Variants in AUTS2 observed in about 807,000 individuals in gnomAD.
The protein encoded by AUTS2 is autism susceptibility gene 2 protein.
Under a neutral mutation model 112.4 loss-of-function variants are expected in AUTS2, and 17 were observed. The observed-to-expected ratio is 0.15, with a 90% CI of 0.10 to 0.23. The LOEUF (loss-of-function observed/expected upper bound fraction) is 0.23. Among genes scored for constraint, AUTS2 ranks in the 10% least tolerant of loss-of-function variants. AUTS2 has a pLI of 1.00. For synonymous variants in AUTS2, 751 were observed against 702.7 expected, an observed-to-expected ratio of 1.07 and a Z score of -1.09; for missense variants, 1,510 against 1,701.6, an observed-to-expected ratio of 0.89 and a Z score of 1.98.
chr7:70,004,135 TAA>T (rs1212883139), intron 2 of AUTS2, among the ~76,000 whole-genome samples: 1 of 126,340 alleles, frequency 7.9e-6, no homozygotes, highest in African/African-American at 2.8e-5. Context: ...TGAATATATA[TAA>T]TATATATGAA....
intron 5 of AUTS2, among the ~76,000 whole-genome samples, chr7:70,598,687 TC>T (rs1563066655): frequency 6.6e-6 from 1 of 152,200 alleles, no homozygotes; most frequent in African/African-American, 2.4e-5. Context: ...CCCCAGATTC[TC>T]TTTCTGACAA....
chr7:70,180,691 C>A (rs1262668185), intron 4 of AUTS2, among the ~76,000 whole-genome samples: 1 of 152,174 alleles, frequency 6.6e-6, no homozygotes, highest in African/African-American at 2.4e-5. Context: ...ACATGAACTG[C>A]AACCTACATT....
At chr7:70,575,844 G>A (rs118056409) in intron 5 of AUTS2, among the ~76,000 whole-genome samples, 4,446 of 152,186 alleles carry the variant, frequency 0.029, 100 homozygotes, top group South Asian at 0.099. Flanking sequence ...ACCACCCAAC[G>A]AGCTTTGCAC....
intron 4 of AUTS2, among the ~76,000 whole-genome samples, chr7:70,148,470 CAT>C (rs764373649): frequency 6.6e-6 from 1 of 151,978 alleles, no homozygotes; most frequent in Non-Finnish European, 1.5e-5. Context: ...TTATTAATCT[CAT>C]CAACTCATCT....
intron 4 of AUTS2, among the ~76,000 whole-genome samples, chr7:70,384,593 A>G (rs1393739318): frequency 6.6e-6 from 1 of 152,184 alleles, no homozygotes; most frequent in Non-Finnish European, 1.5e-5. Flanking sequence ...AACGGTGCCA[A>G]GAGCTTGTCT....
chr7:70,210,282 A>T (rs1020910650), intron 4 of AUTS2, among the ~76,000 whole-genome samples: 2 of 152,214 alleles, frequency 1.3e-5, no homozygotes, highest in Non-Finnish European at 2.9e-5. Flanking sequence ...GCATCTGTTT[A>T]TAGAATAGTT....
intron 1 of AUTS2, among the ~76,000 whole-genome samples, chr7:69,818,433 G>A (rs896791134): frequency 3.3e-5 from 5 of 152,176 alleles, no homozygotes; most frequent in Admixed American, 2.6e-4. Context: ...GAGTCTGCAT[G>A]TACATGTCAG....
chr7:70,069,732 G>C (rs1802668832), intron 2 of AUTS2, among the ~76,000 whole-genome samples: 1 of 146,364 alleles, frequency 6.8e-6, no homozygotes, highest in South Asian at 2.1e-4. Flanking sequence ...CCTGTCCAGA[G>C]ACACCTTATT....
chr7:70,539,905 C>T (rs1481129283), intron 5 of AUTS2, among the ~76,000 whole-genome samples: 2 of 152,194 alleles, frequency 1.3e-5, no homozygotes, highest in Non-Finnish European at 2.9e-5. Flanking sequence ...GGGATGGGCT[C>T]CTCTCTGCAA....
intron 2 of AUTS2, among the ~76,000 whole-genome samples, chr7:69,943,917 C>T (rs940748430): frequency 7.2e-5 from 11 of 152,124 alleles, no homozygotes; most frequent in African/African-American, 2.4e-4. Flanking sequence ...TCAGTCAAAA[C>T]GAGTGTACAA....
chr7:70,057,438 A>G (rs1376294125), intron 2 of AUTS2, among the ~76,000 whole-genome samples: 1 of 152,130 alleles, frequency 6.6e-6, no homozygotes, highest in Non-Finnish European at 1.5e-5. Flanking sequence ...AAAAAGTTAC[A>G]CTTTTCTGGG....
chr7:69,826,014 T>C (rs1791226318), intron 1 of AUTS2: 2 of 152,230 alleles, frequency 1.3e-5, no homozygotes, highest in South Asian at 4.1e-4. Context: ...CCTTTTTCAG[T>C]CAAGAGAATT....
chr7:69,950,989 A>G (rs904746254), intron 2 of AUTS2, among the ~76,000 whole-genome samples: 11 of 151,540 alleles, frequency 7.3e-5, no homozygotes, highest in Admixed American at 3.9e-4. Flanking sequence ...CTTTTTTTTT[A>G]AAGGCTCCCT....
At chr7:69,795,176 A>G (rs1789784621) in intron 1 of AUTS2, among the ~76,000 whole-genome samples, 1 of 152,222 alleles carries the variant, frequency 6.6e-6, no homozygotes, top group Admixed American at 6.5e-5. Context: ...TATGGTTACT[A>G]TTATTAATCA....
chr7:70,440,636 C>T (rs1796087873), intron 5 of AUTS2, among the ~76,000 whole-genome samples: 1 of 152,212 alleles, frequency 6.6e-6, no homozygotes, highest in African/African-American at 2.4e-5. Context: ...AAGGGCCCTT[C>T]TCCTGGACAC....
chr7:70,255,766 T>A (rs940480595), intron 4 of AUTS2, among the ~76,000 whole-genome samples: 2 of 152,202 alleles, frequency 1.3e-5, no homozygotes, highest in African/African-American at 2.4e-5. Context: ...GGATACTAAA[T>A]CATGTCTATC....
chr7:70,681,525 AT>A (rs11312953), intron 5 of AUTS2, among the ~76,000 whole-genome samples: 18,378 of 97,808 alleles, frequency 0.19, 1,485 homozygotes, highest in East Asian at 0.55. Context: ...ATATATATAT[AT>A]TTTTTTTTTC....
intron 1 of AUTS2, among the ~76,000 whole-genome samples, chr7:69,714,348 TC>T (rs1319789417): frequency 2.6e-5 from 4 of 151,452 alleles, no homozygotes; most frequent in African/African-American, 7.3e-5. Flanking sequence ...GCTCAATCGA[TC>T]CTCCTGCCTC....
intron 5 of AUTS2, among the ~76,000 whole-genome samples, chr7:70,496,548 T>A (rs1416305938): frequency 6.5e-4 from 17 of 25,984 alleles, no homozygotes; most frequent in Admixed American, 8.4e-4. Flanking sequence ...ACGTACACAG[T>A]CAGACACACA....
Sources: gnomAD v4.1 joint callset for allele counts (sites outside exome capture counted in the v4.1 genomes callset) on GRCh38, gnomAD v4.1.1 for gene constraint, MANE v1.5 for transcripts, NCBI Gene and HGNC (gene_info 2026-07-23, HGNC 2026-07-21) for gene names.